TMPRSS15: variants seen among roughly 807,000 people sequenced by gnomAD.
TMPRSS15 encodes the protein enteropeptidase.
In TMPRSS15, 128 loss-of-function variants were observed where a neutral mutation model predicts 125.3. The observed-to-expected ratio is 1.02, with a 90% CI of 0.89 to 1.18. TMPRSS15 has a LOEUF of 1.18. TMPRSS15 is among the 50% of genes most tolerant of loss of function. The probability of loss-of-function intolerance (pLI) is 0.00; values close to 1 mark genes in which losing one functional copy is unlikely to be tolerated. For synonymous variants in TMPRSS15, 446 were observed against 423.2 expected, an observed-to-expected ratio of 1.05 and a Z score of -0.66; for missense variants, 1,283 against 1,212.7, an observed-to-expected ratio of 1.06 and a Z score of -0.86.
Position 18,275,252 on chromosome 21 carries a change from A to C in TMPRSS15, c.2849T>G (p.Ile950Ser). 6.2e-7 allele frequency: 1 copy of C among 1,614,052 alleles called. No homozygotes were observed. Among genetic ancestry groups the C allele is most frequent in the Non-Finnish European group, 8.5e-7 (1 of 1,179,968 alleles). Residue 950 changes from isoleucine to serine, a missense_variant, in exon 24 of 25, where the codon ATT (isoleucine) becomes AGT (serine). Transcript: ENST00000284885. ...GCCTGCACATATCATATTTTCAGTA[A>C]TGTTATATTCTGGCATCTGCTGTTG... ...RCQQQMPEYN[I>S]TENMICAGYE...
chr21:18,472,744 G>A (rs570912151), intron 1 of TMPRSS15, among the ~76,000 whole-genome samples: 2 of 151,886 alleles, frequency 1.3e-5, no homozygotes, highest in South Asian at 4.2e-4. Flanking sequence ...AAATCAGTGG[G>A]AAAAGAAAAA....
chr21:18,365,582 T>TCTC (rs2075721205), intron 6 of TMPRSS15, among the ~76,000 whole-genome samples: 1 of 80,500 alleles, frequency 1.2e-5, no homozygotes, highest in African/African-American at 4.1e-5. Flanking sequence ...CTTTCTCTCT[T>TCTC]TTTCCTTCCT....
At chr21:18,304,743 T>G (rs142568195) in intron 18 of TMPRSS15, among the ~76,000 whole-genome samples, 1 of 152,330 alleles carries the variant, frequency 6.6e-6, no homozygotes, top group East Asian at 1.9e-4. Flanking sequence ...TGTATCTTAT[T>G]AAATATGTTA....
chr21:18,457,999 G>C (rs1978475133), intron 1 of TMPRSS15, among the ~76,000 whole-genome samples: 2 of 152,130 alleles, frequency 1.3e-5, no homozygotes, highest in South Asian at 2.1e-4. Flanking sequence ...TCCTTATTCA[G>C]ACTGAGCGTA....
intron 23 of TMPRSS15, 32 bp downstream of exon 23, chr21:18,278,932 T>A: frequency 1.1e-6 from 1 of 890,456 alleles, no homozygotes; most frequent in Non-Finnish European, 1.7e-6. Flanking sequence ...AGGTTTTTTT[T>A]TTTTTTTTTT....
In TMPRSS15 at chr21:18,485,228, TAATA is replaced by T. The variant is rs200959498; in HGVS notation, c.10+567_10+570del. On this transcript the variant is annotated intron_variant, in intron 1 of 7. Coordinates refer to the TMPRSS15 transcript ENST00000422787. ...GCTTGTATCCAATAAATTGTTAAAT[TAATA>T]GATATCCTATGTACACAAATAATTT... Among the ~76,000 whole-genome samples the T allele has an allele frequency of 1.3e-3, 194 of 152,058 alleles. 3 individuals are homozygous for T. Among genetic ancestry groups the T allele is most frequent in the African/African-American group, 4.3e-3 (180 of 41,552 alleles).
chr21:18,310,753 C>T (rs536499450), intron 18 of TMPRSS15, among the ~76,000 whole-genome samples: 24 of 151,910 alleles, frequency 1.6e-4, no homozygotes, highest in Admixed American at 4.6e-4. Flanking sequence ...ACCAAATAGC[C>T]AAAGCAATCC....
intron 15 of TMPRSS15, among the ~76,000 whole-genome samples, chr21:18,326,947 C>G (rs2075298538): frequency 6.6e-6 from 1 of 151,982 alleles, no homozygotes; most frequent in Non-Finnish European, 1.5e-5. Flanking sequence ...AATTTTTGAC[C>G]AAACATATTC....
intron 13 of TMPRSS15, among the ~76,000 whole-genome samples, chr21:18,332,472 T>A (rs547890135): frequency 1.1e-3 from 168 of 152,302 alleles, no homozygotes; most frequent in African/African-American, 4.0e-3. Context: ...TTGTTTATTC[T>A]TTTTCTTATA....
At chr21:18,459,582 C>T (rs568729751) in intron 1 of TMPRSS15, among the ~76,000 whole-genome samples, 2 of 152,254 alleles carry the variant, frequency 1.3e-5, no homozygotes, top group African/African-American at 4.8e-5. Context: ...GTCAATATCT[C>T]ATGTCCTGGT....
At chr21:18,304,517 G>T (rs184190864) in intron 18 of TMPRSS15, among the ~76,000 whole-genome samples, 44 of 152,268 alleles carry the variant, frequency 2.9e-4, no homozygotes, top group Middle Eastern at 3.4e-3. Context: ...GAGGTTGGTA[G>T]TTGGCAAAGA....
chr21:18,468,966 A>G (rs1007617267), intron 1 of TMPRSS15, among the ~76,000 whole-genome samples: 3 of 152,194 alleles, frequency 2.0e-5, no homozygotes, highest in Non-Finnish European at 4.4e-5. Flanking sequence ...CCTCTGAATG[A>G]AAGAAATCAT....
intron 1 of TMPRSS15, among the ~76,000 whole-genome samples, chr21:18,471,070 G>C (rs1369268843): frequency 6.6e-6 from 1 of 151,910 alleles, no homozygotes; most frequent in Non-Finnish European, 1.5e-5. Context: ...TTTATACTGT[G>C]AAACAAAACT....
intron 6 of TMPRSS15, among the ~76,000 whole-genome samples, chr21:18,366,709 C>T (rs936552926): frequency 3.3e-5 from 5 of 152,012 alleles, no homozygotes; most frequent in African/African-American, 1.2e-4. Flanking sequence ...AATTATGACC[C>T]TTACAATGTG....
At chr21:18,294,699 T>A (rs759140114) in intron 19 of TMPRSS15, 47 bp from the exon 20 acceptor site, 11 of 1,533,150 alleles carry the variant, frequency 7.2e-6, no homozygotes, top group Non-Finnish European at 9.0e-6. Context: ...CATTTAATAT[T>A]TTCAAGTCAA....
upstream of TMPRSS15, among the ~76,000 whole-genome samples, chr21:18,407,335 G>T (rs968334486): frequency 2.6e-5 from 4 of 151,784 alleles, no homozygotes; most frequent in Admixed American, 1.3e-4. Flanking sequence ...AGTTAAAGGG[G>T]AGACATAAGA....
In TMPRSS15 at chr21:18,383,592, A is replaced by T. The variant is rs557744870; in HGVS notation, c.496+35T>A. The T allele has an allele frequency of 1.4e-5, 23 of 1,609,288 alleles. No individual in the cohort carries two copies. In the East Asian group the frequency reaches 4.7e-4, roughly 33 times the overall value. On this transcript the variant is annotated intron_variant, in intron 4 of 24. Coordinates refer to ENST00000284885, the MANE Select transcript of TMPRSS15 (RefSeq NM_002772.3). ...GCTAGAATTTTAATTTCATAGCTTA[A>T]TGATTCAAAGAAATCAAATAATGTT...
At chr21:18,360,011 T>G in intron 7 of TMPRSS15, 148 bp from the exon 8 acceptor site, 1 of 532,902 alleles carries the variant, frequency 1.9e-6, no homozygotes, top group South Asian at 2.0e-5. Context: ...CAGTGCAGTA[T>G]TGCCGGTTAT....
chr21:18,403,684 T>C lies in TMPRSS15; in HGVS notation c.-62A>G. 2 of 1,603,670 alleles carry C rather than the reference T, an allele frequency of 1.2e-6. No homozygotes were observed. Among genetic ancestry groups the C allele is most frequent in the Non-Finnish European group, 8.5e-7 (1 of 1,172,458 alleles). The stretch of plus-strand genomic sequence containing the variant: ...AGAGAATATAAATAATTCTACCAAC[T>C]GAAGAGAAAAATCTCTCAAATTTTT... On this transcript the variant is annotated 5_prime_UTR_variant, in exon 1 of 25. Coordinates refer to ENST00000284885, the MANE Select transcript of TMPRSS15 (RefSeq NM_002772.3).
Sources: allele counts gnomAD v4.1 joint callset (sites outside exome capture counted in the v4.1 genomes callset), GRCh38; gene constraint gnomAD v4.1.1; transcripts MANE v1.5; gene names NCBI Gene and HGNC (gene_info 2026-07-23, HGNC 2026-07-21).